The following ATP10B variants were observed in gnomAD, a reference collection of about 807,000 sequenced individuals.
ATP10B encodes phospholipid-transporting ATPase VB.
A neutral mutation model predicts 141.2 loss-of-function variants in ATP10B; 122 were observed. The ratio of observed to expected loss-of-function variants is 0.86; its 90% CI spans 0.75 to 1.00. The LOEUF (loss-of-function observed/expected upper bound fraction) is 1.00. Ranked by LOEUF, ATP10B falls within the 50% of genes least tolerant of loss-of-function variation. The pLI is 0.00. For missense variants in ATP10B, 1,876 were observed against 1,825.3 expected, an observed-to-expected ratio of 1.03 and a Z score of -0.51; for synonymous variants, 685 against 692.0, an observed-to-expected ratio of 0.99 and a Z score of 0.16.
At chr5:160,606,731 C>G in intron 19 of ATP10B, 34 bp downstream of exon 19, 1 of 1,590,236 alleles carries the variant, frequency 6.3e-7, no homozygotes, top group Non-Finnish European at 8.6e-7. Flanking sequence ...TCATCCCTGC[C>G]AAAGTGCCAC....
At chr5:160,836,438 G>A (rs779036150) in intron 1 of ATP10B, among the ~76,000 whole-genome samples, 1 of 152,060 alleles carries the variant, frequency 6.6e-6, no homozygotes, top group Non-Finnish European at 1.5e-5. Flanking sequence ...AGTTATTGCA[G>A]AGGACTAAAT....
chr5:160,892,473 T>C, the ATP10B span, among the ~76,000 whole-genome samples: 1 of 152,242 alleles, frequency 6.6e-6, no homozygotes, highest in South Asian at 2.1e-4. Flanking sequence ...AGATAATTTT[T>C]GGGGGCACTG....
chr5:160,608,318 C>T (rs976388146), intron 18 of ATP10B, among the ~76,000 whole-genome samples: 1 of 152,166 alleles, frequency 6.6e-6, no homozygotes, highest in Non-Finnish European at 1.5e-5. Context: ...TTTTCTTAAT[C>T]CAGTCTATCA....
In ATP10B at chr5:160,750,260, C is replaced by A. The variant is rs146983500; in HGVS notation, c.-330-33226G>T. ...ACACCTGTTTCAGACTCTGGACATGCCCATACACAAGCTCACACAGAAGCT... is the reference window on the plus strand; with the variant it reads ...ACACCTGTTTCAGACTCTGGACATGACCATACACAAGCTCACACAGAAGCT... On this transcript the variant is annotated intron_variant, in intron 2 of 25. Coordinates refer to ENST00000327245, the MANE Select transcript of ATP10B (RefSeq NM_025153.3). Among the ~76,000 whole-genome samples the A allele has an allele frequency of 1.3e-3, 193 of 152,280 alleles. 1 individual carries two copies. In the East Asian group the frequency reaches 0.033, roughly 26 times the overall value.
chr5:160,640,677 TTAAGA>T, intron 9 of ATP10B, 85 bp from the exon 10 acceptor site: 1 of 1,523,490 alleles, frequency 6.6e-7, no homozygotes, highest in Non-Finnish European at 8.9e-7. Context: ...TCACAGGAGC[TTAAGA>T]TAAAAGAGAG....
At chr5:160,578,053 C>T (rs972296675) in intron 24 of ATP10B, among the ~76,000 whole-genome samples, 1 of 151,838 alleles carries the variant, frequency 6.6e-6, no homozygotes, top group Non-Finnish European at 1.5e-5. Flanking sequence ...TGAAAAAAAT[C>T]CAGTCTGTAA....
intron 8 of ATP10B, among the ~76,000 whole-genome samples, chr5:160,647,154 AG>A (rs1760344794): frequency 6.6e-6 from 1 of 152,188 alleles, no homozygotes; most frequent in African/African-American, 2.4e-5. Context: ...ACTTTCAAAC[AG>A]ATCATTGAAA....
the ATP10B span, among the ~76,000 whole-genome samples, chr5:160,868,519 G>GAGACAC: frequency 1.3e-5 from 1 of 75,240 alleles, no homozygotes; most frequent in East Asian, 4.7e-4. Context: ...CATATGAACA[G>GAGACAC]ATACACACAC....
At chr5:160,897,205 T>C in the ATP10B span, among the ~76,000 whole-genome samples, 2 of 152,068 alleles carry the variant, frequency 1.3e-5, no homozygotes, top group Non-Finnish European at 2.9e-5. Context: ...CAATCAGGCA[T>C]GAGAAAGAAA....
rs1425183379 is a variant in ATP10B, at chr5:160,565,590, A to G, written c.4249T>C (p.Ser1417Pro). The change falls in exon 26 of 26, where the codon TCC becomes CCC. Residue 1417 changes from serine to proline, a missense_variant. Physicochemically the swap from Ser to Pro is moderately conservative, Grantham distance 74 (BLOSUM62 -1). Coordinates refer to ENST00000327245, the MANE Select transcript of ATP10B (RefSeq NM_025153.3). ...TCCCCGGATGAGAGTTGAGCTGAGG[A>G]GTCCCCTGAGCATGAGTCATCCCTC... ...CMRDDSCSGD[S>P]SAQLSSGEHL... is the part of the protein sequence containing the mutation. The G allele has an allele frequency of 6.2e-7, 1 of 1,613,998 alleles. No individual in the cohort carries two copies. The highest frequency in any genetic ancestry group is 8.5e-7 in the Non-Finnish European group (1 of 1,179,990).
At chr5:160,670,843 T>G (rs1189535394) in intron 6 of ATP10B, among the ~76,000 whole-genome samples, 176 bp from the exon 7 acceptor site, 2 of 152,040 alleles carry the variant, frequency 1.3e-5, no homozygotes, top group Non-Finnish European at 2.9e-5. Flanking sequence ...CTAGAATAGC[T>G]AGGCATAATC....
the ATP10B span, among the ~76,000 whole-genome samples, chr5:160,900,822 T>A: frequency 6.6e-6 from 1 of 151,684 alleles, no homozygotes; most frequent in Non-Finnish European, 1.5e-5. Flanking sequence ...TTAAAAATAT[T>A]TGTGATGAAC....
At chr5:160,758,386 G>A (rs1224329254) in intron 2 of ATP10B, among the ~76,000 whole-genome samples, 1 of 152,106 alleles carries the variant, frequency 6.6e-6, no homozygotes, top group Admixed American at 6.5e-5. Context: ...CTACATACTT[G>A]ATACATGGCA....
At chr5:160,652,501 C>A (rs1445190555) in intron 7 of ATP10B, among the ~76,000 whole-genome samples, 1 of 142,558 alleles carries the variant, frequency 7.0e-6, no homozygotes, top group Non-Finnish European at 1.5e-5. Flanking sequence ...CTCTGTCACC[C>A]AGGCTGCAGT....
chr5:160,873,492 T>C, the ATP10B span, among the ~76,000 whole-genome samples: 1 of 152,214 alleles, frequency 6.6e-6, no homozygotes, highest in Non-Finnish European at 1.5e-5. Flanking sequence ...GTAGAAAATC[T>C]TTAAGAATAG....
the ATP10B span, among the ~76,000 whole-genome samples, chr5:160,906,043 C>T: frequency 1.3e-5 from 2 of 152,224 alleles, no homozygotes; most frequent in South Asian, 4.2e-4. Context: ...TGCTATTATA[C>T]ACAGAAATAT....
At chr5:160,834,385 C>T (rs1407278811) in intron 1 of ATP10B, among the ~76,000 whole-genome samples, 1 of 151,928 alleles carries the variant, frequency 6.6e-6, no homozygotes, top group Non-Finnish European at 1.5e-5. Context: ...TCTAATAGGG[C>T]ATAACATCTG....
At chr5:160,630,655 T>G (rs965627451) in intron 13 of ATP10B, among the ~76,000 whole-genome samples, 10 of 152,170 alleles carry the variant, frequency 6.6e-5, no homozygotes, top group Non-Finnish European at 1.5e-5. Context: ...TTAAGAAGGA[T>G]GTAGCAATAT....
rs540519246 is a variant in ATP10B at position 160,825,417 on chromosome 5, C to T, written c.-576+26524G>A. 3.3e-5 allele frequency among the ~76,000 whole-genome samples: 5 copies of T among 152,312 alleles called. No homozygotes were observed. The East Asian group carries it at 9.7e-4, about 29-fold the overall frequency. The stretch of plus-strand genomic sequence containing the variant: ...ATGATTTTATAAGGGGAAACCCTTT[C>T]TCTTGGCTCCTATTCTCTTGTCTGC... On this transcript the variant is annotated intron_variant, in intron 1 of 25. Transcript: ENST00000327245.
Sources: allele counts gnomAD v4.1 joint callset (sites outside exome capture counted in the v4.1 genomes callset), GRCh38; gene constraint gnomAD v4.1.1; transcripts MANE v1.5; gene names NCBI Gene and HGNC (gene_info 2026-07-23, HGNC 2026-07-21).